The following LRRC37A2 variants were observed in gnomAD, a reference collection of about 807,000 sequenced individuals.
LRRC37A2 encodes leucine-rich repeat-containing protein 37A2.
A neutral mutation model predicts 68.8 loss-of-function variants in LRRC37A2; 9 were observed. The observed-to-expected ratio is 0.13, with a 90% CI of 0.08 to 0.23. The LOEUF (loss-of-function observed/expected upper bound fraction) is 0.23, where lower values mean the gene tolerates loss of function less well. LRRC37A2 is among the 10% of genes least tolerant of loss of function. The pLI, the probability that LRRC37A2 is intolerant of heterozygous loss-of-function variation, is 1.00. For missense variants in LRRC37A2, 168 were observed against 950.4 expected, an observed-to-expected ratio of 0.18 and a Z score of 10.82; for synonymous variants, 63 against 367.6, an observed-to-expected ratio of 0.17 and a Z score of 9.48.
chr17:46,992,198 CTAAA>C, the LRRC37A2 span, among the ~76,000 whole-genome samples: 2 of 143,776 alleles, frequency 1.4e-5, no homozygotes, highest in Non-Finnish European at 1.5e-5. Context: ...CCCATCTCTA[CTAAA>C]TAAATAAATA....
the LRRC37A2 span, among the ~76,000 whole-genome samples, chr17:46,995,482 C>T: frequency 6.6e-6 from 1 of 150,700 alleles, no homozygotes; most frequent in Non-Finnish European, 1.5e-5. Flanking sequence ...TCAGTTCTGG[C>T]CAAAAAAGTG....
the LRRC37A2 span, among the ~76,000 whole-genome samples, chr17:46,850,549 CTT>C: frequency 1.3e-5 from 2 of 152,288 alleles, no homozygotes; most frequent in South Asian, 2.1e-4. Flanking sequence ...TTTTTGGAAA[CTT>C]TACATGCAGA....
the LRRC37A2 span, among the ~76,000 whole-genome samples, chr17:46,813,100 A>G: frequency 2.0e-4 from 30 of 152,050 alleles, no homozygotes; most frequent in Non-Finnish European, 3.5e-4. Context: ...GGAGTGGGGC[A>G]GCCAGCTCTT....
At chr17:46,856,427 C>G in the LRRC37A2 span, among the ~76,000 whole-genome samples, 60 of 152,054 alleles carry the variant, frequency 3.9e-4, no homozygotes, top group Admixed American at 2.9e-3. Flanking sequence ...AGAAACAAAA[C>G]ATAATCTTTA....
chr17:46,773,622 C>T, the LRRC37A2 span: 2 of 506,094 alleles, frequency 4.0e-6, no homozygotes, highest in East Asian at 1.2e-4. Flanking sequence ...GTCCTGATCC[C>T]TCCCCCCACC....
chr17:46,785,601 G>A, the LRRC37A2 span, among the ~76,000 whole-genome samples: 3 of 152,252 alleles, frequency 2.0e-5, no homozygotes, highest in Admixed American at 1.3e-4. Context: ...CGCAGCTTCT[G>A]AAGGTTCCCT....
At chr17:46,848,057 G>A in the LRRC37A2 span, among the ~76,000 whole-genome samples, 7 of 152,094 alleles carry the variant, frequency 4.6e-5, no homozygotes, top group Admixed American at 1.3e-4. Flanking sequence ...GCTGCCTTGG[G>A]CTGGTTAATG....
the LRRC37A2 span, among the ~76,000 whole-genome samples, chr17:46,898,458 T>C: frequency 6.6e-6 from 1 of 152,238 alleles, no homozygotes; most frequent in African/African-American, 2.4e-5. Flanking sequence ...TCAGCTGTTC[T>C]CTGCCCACCC....
At chr17:46,821,811 C>G in the LRRC37A2 span, among the ~76,000 whole-genome samples, 5 of 152,204 alleles carry the variant, frequency 3.3e-5, no homozygotes, top group Non-Finnish European at 7.3e-5. Context: ...TGCACTCCCC[C>G]GGGGCTCAGA....
the LRRC37A2 span, among the ~76,000 whole-genome samples, chr17:46,863,213 C>T: frequency 6.6e-6 from 1 of 152,228 alleles, no homozygotes; most frequent in Non-Finnish European, 1.5e-5. Context: ...AGGTGGTAGC[C>T]TCTGCAGCCA....
chr17:46,923,319 G>A, the LRRC37A2 span: 18 of 1,540,878 alleles, frequency 1.2e-5, no homozygotes, highest in South Asian at 1.9e-4. Flanking sequence ...CAGGGTAGAG[G>A]CCGAGTTTTT....
At chr17:47,005,262 T>TTTTTGG in the LRRC37A2 span, among the ~76,000 whole-genome samples, 1 of 152,204 alleles carries the variant, frequency 6.6e-6, no homozygotes, top group African/African-American at 2.4e-5. Context: ...ATTTATTGGA[T>TTTTTGG]TTTTGGTTTT....
At chr17:46,895,818 C>A in the LRRC37A2 span, among the ~76,000 whole-genome samples, 1 of 152,172 alleles carries the variant, frequency 6.6e-6, no homozygotes, top group Non-Finnish European at 1.5e-5. Flanking sequence ...TGTTTGGAAC[C>A]ATCTGCTGCT....
At chr17:46,915,757 G>C in the LRRC37A2 span, among the ~76,000 whole-genome samples, 1 of 152,224 alleles carries the variant, frequency 6.6e-6, no homozygotes, top group Non-Finnish European at 1.5e-5. Context: ...CAAATGCCCT[G>C]AGGCGGTTCA....
chr17:46,944,560 C>G, the LRRC37A2 span, among the ~76,000 whole-genome samples: 1 of 152,016 alleles, frequency 6.6e-6, no homozygotes, highest in African/African-American at 2.4e-5. Context: ...CCCAGAGATG[C>G]CGAGCTACCT....
rs1476105565 is a variant in LRRC37A2, at chr17:46,550,374, G to A, written c.4705-41G>A. On this transcript the variant is annotated intron_variant, in intron 10 of 14. Transcript: ENST00000576629. ...GGAATACTGGGGTTTTGAATAGTTA[G>A]CTCTCATTCTGGTTTTTTTTTTGTG... 4.3e-6 allele frequency: 3 copies of A among 689,662 alleles called. No individual in the cohort carries two copies. In the East Asian group the frequency reaches 8.2e-5, roughly 19 times the overall value. The allele number at this position is 689,662 out of a possible 1,614,324, so 42.7% of individuals were successfully genotyped here.
chr17:46,545,352 G>A (rs1213022655), intron 8 of LRRC37A2, among the ~76,000 whole-genome samples: 3 of 140,270 alleles, frequency 2.1e-5, no homozygotes, highest in Non-Finnish European at 3.0e-5. Flanking sequence ...TCAGGAGGCT[G>A]AATTTGGAGG....
At chr17:46,829,646 C>T in the LRRC37A2 span, among the ~76,000 whole-genome samples, 1 of 152,092 alleles carries the variant, frequency 6.6e-6, no homozygotes, top group Non-Finnish European at 1.5e-5. Context: ...AAAGTCTCTG[C>T]TGGGAGGGGC....
At chr17:46,771,641 C>T in the LRRC37A2 span, among the ~76,000 whole-genome samples, 3 of 144,742 alleles carry the variant, frequency 2.1e-5, no homozygotes, top group Admixed American at 6.8e-5. Context: ...ATGCGGCCGC[C>T]GGGCCCGGGC....
Sources: gnomAD v4.1 joint callset for allele counts (sites outside exome capture counted in the v4.1 genomes callset) on GRCh38, gnomAD v4.1.1 for gene constraint, MANE v1.5 for transcripts, NCBI Gene and HGNC (gene_info 2026-07-23, HGNC 2026-07-21) for gene names.